Variants in DCAF7 observed in about 807,000 individuals in gnomAD.
DCAF7 encodes the protein DDB1 and CUL4 associated factor 7, also known as DDB1- and CUL4-associated factor 7.
Under a neutral mutation model 41.2 loss-of-function variants are expected in DCAF7, and 4 were observed. The ratio of observed to expected loss-of-function variants is 0.10; its 90% CI spans 0.05 to 0.22. The LOEUF is 0.22. Ranked by LOEUF, DCAF7 falls within the 10% of genes least tolerant of loss-of-function variation. The probability of loss-of-function intolerance (pLI) is 1.00; values close to 1 mark genes in which losing one functional copy is unlikely to be tolerated. For missense variants in DCAF7, 131 were observed against 443.2 expected (o/e 0.30, Z 6.32); for synonymous variants, 143 against 164.2 (o/e 0.87, Z 0.99).
chr17:63,579,329 T>G lies in DCAF7; in HGVS notation c.298-8T>G. The G allele has an allele frequency of 6.3e-7, 1 of 1,579,106 alleles. No individual in the cohort carries two copies. Among genetic ancestry groups the G allele is most frequent in the Non-Finnish European group, 8.6e-7 (1 of 1,159,432 alleles). On this transcript the variant is annotated splice_region_variant and splice_polypyrimidine_tract_variant and intron_variant, in intron 2 of 6. Transcript: ENST00000614556. ...GGCTGATTTTTTTTAAAATTCTTGT[T>G]CCTTCAGGTTGGTGAAACAGAGACC...
rs2033729087 is a variant in DCAF7 at position 63,591,069 on chromosome 17, A to G, written c.*1897A>G. On this transcript the variant is annotated 3_prime_UTR_variant, in exon 7 of 7. Transcript: ENST00000614556. Reference sequence around the variant, plus strand: ...TTGCACTGCATCGTTTGGAGATACAAAGCGAGCAGTTCTTGGTCAGAACCC... The same window carrying G: ...TTGCACTGCATCGTTTGGAGATACAGAGCGAGCAGTTCTTGGTCAGAACCC... The G allele has an allele frequency of 6.6e-6, 1 of 152,228 alleles. No individual in the cohort carries two copies. Among genetic ancestry groups the G allele is most frequent in the Non-Finnish European group, 1.5e-5 (1 of 68,070 alleles). The allele number at this position is 152,228 out of a possible 1,614,324, so 9.4% of individuals were successfully genotyped here.
At chr17:63,556,074 A>C (rs2033307803) in intron 1 of DCAF7, among the ~76,000 whole-genome samples, 1 of 152,234 alleles carries the variant, frequency 6.6e-6, no homozygotes. Flanking sequence ...CTTGAAGAGA[A>C]AGCAAATAGA....
chr17:63,579,600 A>T (rs1598034824), intron 3 of DCAF7, among the ~76,000 whole-genome samples, 152 bp downstream of exon 3: 2 of 152,068 alleles, frequency 1.3e-5, no homozygotes, highest in East Asian at 3.9e-4. Flanking sequence ...TGTGTGGGTG[A>T]GCTTTCCGTG....
intron 1 of DCAF7, among the ~76,000 whole-genome samples, chr17:63,571,534 G>T (rs997668165): frequency 6.6e-6 from 1 of 151,958 alleles, no homozygotes; most frequent in Non-Finnish European, 1.5e-5. Context: ...TTTGTGTGTG[G>T]GGGGGCAGTA....
At chr17:63,587,322 C>G (rs1205234571) in intron 6 of DCAF7, among the ~76,000 whole-genome samples, 1 of 151,530 alleles carries the variant, frequency 6.6e-6, no homozygotes, top group South Asian at 2.1e-4. Context: ...TTCATTATTG[C>G]CCTCTTTTTT....
At chr17:63,559,066 C>T (rs914805294) in intron 1 of DCAF7, among the ~76,000 whole-genome samples, 1 of 151,694 alleles carries the variant, frequency 6.6e-6, no homozygotes, top group Admixed American at 6.6e-5. Context: ...AATTCCAGCA[C>T]TTTGGGAGGC....
At chr17:63,566,878 C>T (rs758338958) in intron 1 of DCAF7, among the ~76,000 whole-genome samples, 2 of 152,174 alleles carry the variant, frequency 1.3e-5, no homozygotes, top group Non-Finnish European at 2.9e-5. Flanking sequence ...CATGCCACCG[C>T]TCTACAGTTT....
At chr17:63,584,863 G>A (rs909443734) in intron 5 of DCAF7, among the ~76,000 whole-genome samples, 4 of 152,158 alleles carry the variant, frequency 2.6e-5, no homozygotes, top group East Asian at 1.9e-4. Flanking sequence ...GTTTGGTGGC[G>A]CTAGCACCTC....
At chr17:63,569,597 GTTTAAT>G (rs1159499746) in intron 1 of DCAF7, among the ~76,000 whole-genome samples, 1 of 152,086 alleles carries the variant, frequency 6.6e-6, no homozygotes, top group Non-Finnish European at 1.5e-5. Flanking sequence ...TTTTGTTTTT[GTTTAAT>G]TCTAAGGTGT....
chr17:63,567,758 C>T (rs1347188952), intron 1 of DCAF7, among the ~76,000 whole-genome samples: 3 of 151,614 alleles, frequency 2.0e-5, no homozygotes, highest in Non-Finnish European at 2.9e-5. Context: ...TTTCTGGGTT[C>T]GGGTGGTCCT....
intron 1 of DCAF7, among the ~76,000 whole-genome samples, chr17:63,561,190 G>A (rs564588814): frequency 6.6e-5 from 10 of 152,222 alleles, no homozygotes; most frequent in African/African-American, 1.7e-4. Context: ...ACTTGAACCC[G>A]GGAGGCGGAG....
rs1374848892 is a variant in DCAF7, at chr17:63,579,820, TG to T, written c.410-4del. 10 of 1,612,802 alleles carry T rather than the reference TG, an allele frequency of 6.2e-6. No homozygotes were observed. Among genetic ancestry groups the T allele is most frequent in the Non-Finnish European group, 8.5e-6 (10 of 1,179,104 alleles). ...TCAGCCCTGACTTGCACTGGTTGTT[TG>T]CAGGTACCTCAAGCATTGATACGAC... On this transcript the variant is annotated splice_region_variant and splice_polypyrimidine_tract_variant and intron_variant, in intron 3 of 6. Transcript: ENST00000614556.
chr17:63,586,783 G>C (rs2033681661), intron 6 of DCAF7, among the ~76,000 whole-genome samples: 1 of 151,860 alleles, frequency 6.6e-6, no homozygotes, highest in Non-Finnish European at 1.5e-5. Flanking sequence ...AGAAAAATAT[G>C]CTGGTTGTCA....
intron 1 of DCAF7, among the ~76,000 whole-genome samples, chr17:63,559,314 T>A (rs1026043181): frequency 2.2e-5 from 2 of 90,478 alleles, no homozygotes; most frequent in Non-Finnish European, 4.2e-5. Context: ...CATATATATA[T>A]ATATATGTAT....
At position 63,578,466 on chromosome 17, in the gene DCAF7, ACAGGTT is replaced by A; in HGVS notation, c.139_144del (p.Val47_Gln48del). On this transcript the variant is annotated splice_acceptor_variant and splice_polypyrimidine_tract_variant and coding_sequence_variant and intron_variant, in exon 2 of 7. Coordinates refer to ENST00000614556, the MANE Select transcript of DCAF7 (RefSeq NM_005828.5). LOFTEE classifies it high-confidence loss of function. ...TTATGTGGCTCAACTTTGGTATGTT[ACAGGTT>A]CAGCTTGTTGGTTTAGATGAGGAGA... 1 of 1,613,988 alleles carries A rather than the reference ACAGGTT, an allele frequency of 6.2e-7. No homozygotes were observed. Among genetic ancestry groups the A allele is most frequent in the Admixed American group, 1.7e-5 (1 of 60,028 alleles).
In DCAF7 at chr17:63,589,240, A is replaced by G. The variant is rs1239242036; in HGVS notation, c.*68A>G. 6.3e-7 allele frequency: 1 copy of G among 1,591,880 alleles called. No individual in the cohort carries two copies. Among genetic ancestry groups the G allele is most frequent in the Admixed American group, 1.7e-5 (1 of 59,848 alleles). On this transcript the variant is annotated 3_prime_UTR_variant, in exon 7 of 7. Transcript: ENST00000614556. The stretch of plus-strand genomic sequence containing the variant: ...CCTGCCTCTGCCCCACCCCCAAAGT[A>G]AGAAGAAACATGTTTCCAGTGGCCA...
intron 1 of DCAF7, among the ~76,000 whole-genome samples, chr17:63,577,574 C>T (rs1474199546): frequency 1.3e-5 from 2 of 152,042 alleles, no homozygotes; most frequent in African/African-American, 2.4e-5. Flanking sequence ...TCAATGGCGC[C>T]GACTTTTTTT....
Position 63,551,891 on chromosome 17 carries a change from C to CAAAAAAAAAAAAAAAAAA in DCAF7, c.138+1099_138+1116dup, listed in dbSNP as rs529811578. Among the ~76,000 whole-genome samples the CAAAAAAAAAAAAAAAAAA allele has an allele frequency of 9.9e-4, 27 of 27,294 alleles. 9 individuals are homozygous for CAAAAAAAAAAAAAAAAAA. The highest frequency in any genetic ancestry group is 1.8e-3 in the Non-Finnish European group (22 of 12,474). 17.9% of individuals were successfully genotyped at this position (27,294 alleles called of 152,430 possible). On this transcript the variant is annotated intron_variant, in intron 1 of 6. Transcript: ENST00000614556. The stretch of plus-strand genomic sequence containing the variant: ...GTGAAACCCCGTCTCTACTAAAATA[C>CAAAAAAAAAAAAAAAAAA]AAAAAAAAAAAAAAAAAAAAAAAAA...
intron 1 of DCAF7, among the ~76,000 whole-genome samples, chr17:63,559,766 C>G (rs983229155): frequency 1.3e-5 from 2 of 151,992 alleles, no homozygotes; most frequent in Non-Finnish European, 2.9e-5. Flanking sequence ...GGCACCATTG[C>G]ACTCCAGCCT....
Sources: allele counts gnomAD v4.1 joint callset (sites outside exome capture counted in the v4.1 genomes callset), GRCh38; gene constraint gnomAD v4.1.1; transcripts MANE v1.5; gene names NCBI Gene and HGNC (gene_info 2026-07-23, HGNC 2026-07-21).